TSPAN16: variants seen among roughly 807,000 people sequenced by gnomAD.
The protein encoded by TSPAN16 is tetraspanin 16, also known as tetraspanin-16.
TSPAN16 carries 23 observed loss-of-function variants against 25.2 expected under a neutral mutation model. The ratio of observed to expected loss-of-function variants is 0.91; its 90% CI spans 0.66 to 1.29. The LOEUF is 1.29. Ranked by LOEUF, TSPAN16 falls within the 50% of genes most tolerant of loss-of-function variation. The pLI, the probability that TSPAN16 is intolerant of heterozygous loss-of-function variation, is 0.00. For missense variants in TSPAN16, 272 were observed against 299.9 expected (o/e 0.91, Z 0.69); for synonymous variants, 123 against 124.4 (o/e 0.99, Z 0.08).
In TSPAN16 at chr19:11,298,222, C is replaced by T. The variant is rs768035738; in HGVS notation, c.150C>T (p.Ser50=). Residue 50 remains serine, a synonymous_variant, in exon 2 of 7, where the codon TCC becomes TCT. Coordinates refer to ENST00000590327, the MANE Select transcript of TSPAN16 (RefSeq NM_001282509.2). ...CTCTGACGAATGTCCTCGGGCTGTC[C>T]TCCGCATACCTCCTTCACGTTGGCA... is the stretch of plus-strand genomic sequence containing the variant. ...GASLTNVLGL[S]SAYLLHVGNL... The T allele has an allele frequency of 1.2e-6, 2 of 1,614,180 alleles. No homozygotes were observed. The highest frequency in any genetic ancestry group is 2.7e-5 in the African/African-American group (2 of 75,038).
chr19:11,312,008 C>A (rs545911886), intron 5 of TSPAN16, 131 bp from the exon 6 acceptor site: 1 of 652,936 alleles, frequency 1.5e-6, no homozygotes, highest in South Asian at 1.9e-5. Flanking sequence ...AAGGCCCTCA[C>A]GGCTCTCTCC....
At position 11,296,304 on chromosome 19, in the gene TSPAN16, G is replaced by A. The variant is rs1483728057; in HGVS notation, c.7G>A (p.Glu3Lys). The A allele has an allele frequency of 6.2e-7, 1 of 1,614,146 alleles. No homozygotes were observed. Among genetic ancestry groups the A allele is most frequent in the Admixed American group, 1.7e-5 (1 of 59,996 alleles). The change falls in exon 1 of 7, where the codon GAA (glutamate) becomes AAA (lysine). Residue 3 changes from glutamate (E) to lysine (K), a missense_variant. Transcript: ENST00000590327. MA[E>K]IHTPYSSLKK... The stretch of plus-strand genomic sequence containing the variant: ...GTGCCCCAGTCTGTTCAGCATGGCT[G>A]AAATCCACACTCCGTATTCTTCCTT...
chr19:11,325,783 T>C (rs893053524), intron 6 of TSPAN16, among the ~76,000 whole-genome samples: 1 of 152,124 alleles, frequency 6.6e-6, no homozygotes, highest in East Asian at 1.9e-4. Flanking sequence ...ATGATAAAAA[T>C]CTGTGGCAGG....
chr19:11,317,524 C>G (rs538475792), downstream of TSPAN16, among the ~76,000 whole-genome samples: 146 of 151,732 alleles, frequency 9.6e-4, no homozygotes, highest in Non-Finnish European at 1.8e-3. Context: ...GACGGAGTTT[C>G]GCTCTTGTTG....
At chr19:11,300,086 G>A (rs1006693647) in intron 3 of TSPAN16, among the ~76,000 whole-genome samples, 2 of 152,158 alleles carry the variant, frequency 1.3e-5, no homozygotes, top group Non-Finnish European at 2.9e-5. Context: ...CGACACAGTG[G>A]AATCCTGTAC....
chr19:11,313,934 T>A (rs545978852), intron 6 of TSPAN16, among the ~76,000 whole-genome samples: 4 of 152,294 alleles, frequency 2.6e-5, no homozygotes, highest in Non-Finnish European at 5.9e-5. Flanking sequence ...TTATTCATAA[T>A]AATCAAAAAG....
intron 3 of TSPAN16, among the ~76,000 whole-genome samples, chr19:11,299,169 A>T (rs1296576664): frequency 6.6e-6 from 1 of 151,834 alleles, no homozygotes; most frequent in Non-Finnish European, 1.5e-5. Flanking sequence ...TAATCCAGCT[A>T]CTCAGGAGGC....
In TSPAN16 at chr19:11,298,297, G is replaced by T; in HGVS notation, c.225G>T (p.Gly75=). 1 of 1,614,152 alleles carries T rather than the reference G, an allele frequency of 6.2e-7. No homozygotes were observed. The highest frequency in any genetic ancestry group is 8.5e-7 in the Non-Finnish European group (1 of 1,180,034). ...GCITVLLGCA[G]WYGATKESRG... is the part of the protein sequence containing the mutation. ...TCACGGTACTGCTTGGCTGTGCCGG[G>T]TGGTATGGAGCGACTAAAGAGAGCA... The change falls in exon 2 of 7, where the codon GGG becomes GGT. Residue 75 remains glycine (G), a synonymous_variant. Coordinates refer to ENST00000590327, the MANE Select transcript of TSPAN16 (RefSeq NM_001282509.2).
chr19:11,311,768 T>C (rs73922637), intron 5 of TSPAN16, among the ~76,000 whole-genome samples: 38 of 152,178 alleles, frequency 2.5e-4, no homozygotes, highest in African/African-American at 9.1e-4. Flanking sequence ...GCAGATCCAG[T>C]GGGTGCCATT....
chr19:11,304,949 C>G (rs1290478676), intron 4 of TSPAN16, among the ~76,000 whole-genome samples: 2 of 151,934 alleles, frequency 1.3e-5, no homozygotes, highest in East Asian at 3.9e-4. Context: ...CTGCGCCCAG[C>G]TTCATTTATT....
At chr19:11,313,510 G>A (rs1192444188) in intron 6 of TSPAN16, among the ~76,000 whole-genome samples, 1 of 145,426 alleles carries the variant, frequency 6.9e-6, no homozygotes, top group Admixed American at 6.9e-5. Flanking sequence ...CTTGGCAACA[G>A]AGCAAGACTC....
In TSPAN16 at chr19:11,299,001, C is replaced by G. The variant is rs911886880; in HGVS notation, c.342+55C>G. On this transcript the variant is annotated intron_variant, in intron 3 of 6. Transcript: ENST00000590327. ...CATTAGAAAGATAAAGAACCAAGGA[C>G]GGGCACAGTGGCTCACGCCTCTAAT... The G allele has an allele frequency of 1.3e-5, 20 of 1,566,718 alleles. No homozygotes were observed. The Admixed American group carries it at 3.4e-4, about 26-fold the overall frequency.
At chr19:11,309,477 C>T (rs2080666813) in intron 5 of TSPAN16, among the ~76,000 whole-genome samples, 1 of 152,236 alleles carries the variant, frequency 6.6e-6, no homozygotes, top group Admixed American at 6.5e-5. Context: ...CACATGCCTG[C>T]CTCACCGCCT....
At chr19:11,301,161 G>C (rs775244169) in intron 3 of TSPAN16, 40 bp from the exon 4 acceptor site, 1 of 1,561,308 alleles carries the variant, frequency 6.4e-7, no homozygotes, top group African/African-American at 1.4e-5. Context: ...GGCCACTCTT[G>C]CTAGTTGGGG....
chr19:11,307,281 G>C (rs144157355), intron 5 of TSPAN16, among the ~76,000 whole-genome samples: 4,541 of 149,190 alleles, frequency 0.03, 230 homozygotes, highest in African/African-American at 0.11. Flanking sequence ...CACCACGCCC[G>C]GCTGATTTTT....
chr19:11,303,047 T>C (rs1177364229), intron 4 of TSPAN16, among the ~76,000 whole-genome samples: 1 of 150,714 alleles, frequency 6.6e-6, no homozygotes, highest in Non-Finnish European at 1.5e-5. Context: ...CCACCCCGTC[T>C]GGGAGGTGTG....
chr19:11,311,651 G>A (rs756184586), intron 5 of TSPAN16, among the ~76,000 whole-genome samples: 5 of 151,984 alleles, frequency 3.3e-5, no homozygotes, highest in South Asian at 4.2e-4. Context: ...TTGAACTCCC[G>A]GGCTCAAGTG....
Position 11,306,669 on chromosome 19 carries a change from C to T in TSPAN16, c.516C>T (p.Gly172=), listed in dbSNP as rs766490994. 5 of 1,614,030 alleles carry T rather than the reference C, an allele frequency of 3.1e-6. No individual in the cohort carries two copies. The South Asian group carries it at 5.5e-5, about 18-fold the overall frequency. The change falls in exon 5 of 7, where the codon GGC becomes GGT. Residue 172 remains glycine, a synonymous_variant. Transcript: ENST00000590327. Reference sequence around the variant, plus strand: ...GCTCTTCCTTCGAAATGACAACGGGCCACACCTACCCCAGGAGTTGCTGTA... The same window carrying T: ...GCTCTTCCTTCGAAATGACAACGGGTCACACCTACCCCAGGAGTTGCTGTA... ...FSGSSFEMTT[G]HTYPRSCCKS...
exon 7 of TSPAN16, chr19:11,326,962 AATCTCCATGCAGCCCCACCTGCCAC>A: frequency 2.0e-6 from 1 of 493,682 alleles, no homozygotes; most frequent in African/African-American, 2.0e-5. Flanking sequence ...GCTGTCCCTG[AATCTCCATGCAGCCCCACCTGCCAC>A]ATCACCAAGG....
Sources: gnomAD v4.1 joint callset for allele counts (sites outside exome capture counted in the v4.1 genomes callset) on GRCh38, gnomAD v4.1.1 for gene constraint, MANE v1.5 for transcripts, NCBI Gene and HGNC (gene_info 2026-07-23, HGNC 2026-07-21) for gene names.